NLRP1: variants seen among roughly 807,000 people sequenced by gnomAD.
NLRP1 encodes the protein NLR family pyrin domain containing 1.
In NLRP1, 94 loss-of-function variants were observed where a neutral mutation model predicts 136.7. The ratio of observed to expected loss-of-function variants is 0.69; its 90% CI spans 0.58 to 0.82. The LOEUF is 0.82. Among genes scored for constraint, NLRP1 ranks in the 40% least tolerant of loss-of-function variants. The pLI is 0.00. For missense variants in NLRP1, 1,575 were observed against 1,802.7 expected (o/e 0.87, Z 2.29); for synonymous variants, 690 against 725.1 (o/e 0.95, Z 0.78).
rs1334583954 is a variant in NLRP1, at chr17:5,558,836, G to A, written c.1860C>T (p.Ser620=). The change falls in exon 4 of 17, where the codon AGC becomes AGT. Residue 620 remains serine, a synonymous_variant. Transcript: ENST00000572272. ...ACTCTTGGAAACAGAGGTGAATGAA[G>A]CTGTAGCTCAGAGGGATGGGGTGCT... ...LQEHPIPLSY[S]FIHLCFQEFF... The A allele has an allele frequency of 1.2e-6, 2 of 1,614,106 alleles. No homozygotes were observed. The highest frequency in any genetic ancestry group is 1.3e-5 in the African/African-American group (1 of 74,934).
Position 5,537,356 on chromosome 17 carries a change from C to T in NLRP1, c.2871-416G>A, listed in dbSNP as rs1038257857. The stretch of plus-strand genomic sequence containing the variant: ...CACTGGCAGAGGCTGTCTCTACAGC[C>T]GGCTGCCAGGGATTTCCCCATGGCC... On this transcript the variant is annotated intron_variant, in intron 7 of 16. Coordinates refer to ENST00000572272, the MANE Select transcript of NLRP1 (RefSeq NM_033004.4). This position sits in a 1 kb window ranked among gnomAD's most constrained non-coding sequence, Gnocchi z 4.5. Among the ~76,000 whole-genome samples, 3 of 152,170 alleles carry T rather than the reference C, an allele frequency of 2.0e-5. No homozygotes were observed. The highest frequency in any genetic ancestry group is 4.4e-5 in the Non-Finnish European group (3 of 68,026).
Position 5,579,519 on chromosome 17 carries a change from GA to G in NLRP1, c.652+2339del, listed in dbSNP as rs754822157. ...AATGTAAATTAGTTCAGCCACTGTG[GA>G]AAGGAATTTCGCGATTTGCCAAAGA... On this transcript the variant is annotated intron_variant, in intron 3 of 16. Transcript: ENST00000572272. Among the ~76,000 whole-genome samples, 180 of 152,306 alleles carry G rather than the reference GA, an allele frequency of 1.2e-3. 1 individual carries two copies. Among genetic ancestry groups the G allele is most frequent in the South Asian group, 1.7e-3 (8 of 4,820 alleles).
chr17:5,534,135 G>A (rs1465949160), intron 8 of NLRP1, 147 bp from the exon 9 acceptor site: 8 of 711,640 alleles, frequency 1.1e-5, no homozygotes, highest in South Asian at 7.6e-5. Flanking sequence ...GCCGGGATGG[G>A]TGGATAGCTT....
downstream of NLRP1, chr17:5,512,291 A>G (rs910657203): frequency 1.2e-4 from 181 of 1,523,754 alleles, 2 homozygotes; most frequent in East Asian, 2.3e-3. Flanking sequence ...ATTTCTCCAC[A>G]GACAAAACAT....
chr17:5,556,785 G>A (rs1371912848), intron 4 of NLRP1, among the ~76,000 whole-genome samples: 2 of 151,598 alleles, frequency 1.3e-5, no homozygotes, highest in East Asian at 1.9e-4. Context: ...CACCATTTTC[G>A]GCTAATTTAT....
chr17:5,524,782 G>A (rs1909323351), intron 12 of NLRP1, among the ~76,000 whole-genome samples: 1 of 152,208 alleles, frequency 6.6e-6, no homozygotes, highest in Non-Finnish European at 1.5e-5. Flanking sequence ...GACGCTCGGT[G>A]CCACTTGAAT....
chr17:5,543,441 A>G (rs1912137751), intron 5 of NLRP1, among the ~76,000 whole-genome samples: 1 of 152,168 alleles, frequency 6.6e-6, no homozygotes, highest in Non-Finnish European at 1.5e-5. Flanking sequence ...GTCTGAGGGT[A>G]AAGCTAGAAA....
intron 15 of NLRP1, among the ~76,000 whole-genome samples, chr17:5,508,939 G>T (rs1907489912): frequency 6.6e-6 from 1 of 152,096 alleles, no homozygotes; most frequent in African/African-American, 2.4e-5. Flanking sequence ...GTGCAACAAG[G>T]CCAAAAAAAT....
At chr17:5,528,288 G>A (rs1278656360) in intron 12 of NLRP1, among the ~76,000 whole-genome samples, 2 of 152,154 alleles carry the variant, frequency 1.3e-5, no homozygotes, top group African/African-American at 2.4e-5. Flanking sequence ...TAGATTGCCC[G>A]GTGGGAACAA....
At chr17:5,550,245 T>C (rs1245513241) in intron 5 of NLRP1, among the ~76,000 whole-genome samples, 1 of 152,186 alleles carries the variant, frequency 6.6e-6, no homozygotes, top group East Asian at 1.9e-4. Context: ...TTTTCTGCTA[T>C]TTTTGGAAGA....
In NLRP1 at chr17:5,552,084, CTTTTTTTTT is replaced by C. The variant is rs71151872; in HGVS notation, c.2528+1293_2528+1301del. On this transcript the variant is annotated intron_variant, in intron 5 of 16. Transcript: ENST00000572272. ...GCCATCATGTCTGGCTCTATCTTTC[CTTTTTTTTT>C]TTTTTTTTTTTTTTTTTTTTTTAAA... is the stretch of plus-strand genomic sequence containing the variant. 2.6e-4 allele frequency among the ~76,000 whole-genome samples: 25 copies of C among 96,682 alleles called. 1 individual carries two copies. The highest frequency in any genetic ancestry group is 8.5e-4 in the East Asian group (2 of 2,354). The allele number at this position is 96,682 out of a possible 152,430, so 63.4% of individuals were successfully genotyped here. A position where few individuals can be genotyped will look rare whatever the true frequency, so the allele number is the denominator to read the frequency against.
At chr17:5,540,694 G>A (rs1204132267) in intron 6 of NLRP1, among the ~76,000 whole-genome samples, 1 of 152,100 alleles carries the variant, frequency 6.6e-6, no homozygotes, top group Non-Finnish European at 1.5e-5. Flanking sequence ...AAGTGTTACC[G>A]ACTTCCTAGC....
At chr17:5,526,695 G>A (rs1480478495) in intron 12 of NLRP1, among the ~76,000 whole-genome samples, 3 of 152,186 alleles carry the variant, frequency 2.0e-5, no homozygotes, top group African/African-American at 7.2e-5. Flanking sequence ...AGGGTCCTGA[G>A]CTCAGCAGGG....
chr17:5,582,692 G>A lies in NLRP1; in HGVS notation c.426C>T (p.Asp142=). 1.2e-6 allele frequency: 2 copies of A among 1,614,172 alleles called. No homozygotes were observed. Among genetic ancestry groups the A allele is most frequent in the Non-Finnish European group, 1.7e-6 (2 of 1,180,026 alleles). The change falls in exon 2 of 17, where the codon GAC becomes GAT. Residue 142 remains aspartate (D), a synonymous_variant. Transcript: ENST00000572272. ...CACCTCTCCAGCGGCGTCCAGATGTGTCAGGCAGCTGTCTCAAAACCCTTC... is the reference window on the plus strand; with the variant it reads ...CACCTCTCCAGCGGCGTCCAGATGTATCAGGCAGCTGTCTCAAAACCCTTC... ...SERRVLRQLP[D]TSGRRWREIS...
At chr17:5,556,115 TACACA>T (rs1234290799) in intron 4 of NLRP1, among the ~76,000 whole-genome samples, 7 of 119,008 alleles carry the variant, frequency 5.9e-5, no homozygotes, top group East Asian at 5.1e-4. Context: ...TCTCTCTCTC[TACACA>T]CACACACACA....
rs201003290 is a variant in NLRP1, at chr17:5,530,559, C to A, written c.3442G>T (p.Ala1148Ser). 6.2e-7 allele frequency: 1 copy of A among 1,614,242 alleles called. No individual in the cohort carries two copies. Among genetic ancestry groups the A allele is most frequent in the Non-Finnish European group, 8.5e-7 (1 of 1,180,042 alleles). ...EINPQHSWMV[A>S]GPLLDIKAEP... ...GCCTTGATGTCCAGCAGAGGCCCTG[C>A]CACCATCCAGCTGTGCTGTGGGTTG... Residue 1148 changes from alanine (A) to serine (S), a missense_variant, in exon 12 of 17, where the codon GCA (alanine) becomes TCA (serine). Physicochemically the swap from Ala to Ser is moderately conservative, Grantham distance 99. Transcript: ENST00000572272.
At chr17:5,533,272 A>T in intron 10 of NLRP1, 32 bp downstream of exon 10, 1 of 1,551,754 alleles carries the variant, frequency 6.4e-7, no homozygotes, top group Non-Finnish European at 8.7e-7. Flanking sequence ...ATGGTTCAAA[A>T]GATGAAAGGG....
Position 5,530,505 on chromosome 17 carries a change from G to C in NLRP1, c.3496C>G (p.Leu1166Val). The C allele has an allele frequency of 6.2e-7, 1 of 1,614,050 alleles. No individual in the cohort carries two copies. The highest frequency in any genetic ancestry group is 2.2e-5 in the East Asian group (1 of 44,876). ...CCTTGGAGAGCCACAAAGTGAGGGA[G>C]GTGCACAGCTTCCACAGCTCCAGGC... is the stretch of plus-strand genomic sequence containing the variant. ...AEPGAVEAVH[L>V]PHFVALQGGH... The change falls in exon 12 of 17, where the codon CTC becomes GTC. Residue 1166 changes from leucine (L) to valine (V), a missense_variant. Coordinates refer to ENST00000572272, the MANE Select transcript of NLRP1 (RefSeq NM_033004.4).
At chr17:5,536,808 C>T (rs1215746377) in intron 8 of NLRP1, 43 bp downstream of exon 8, 1 of 1,431,352 alleles carries the variant, frequency 7.0e-7, no homozygotes, top group Non-Finnish European at 9.9e-7. Context: ...CTGCTCAGCC[C>T]TGGGCCTGGG....
Sources: allele counts gnomAD v4.1 joint callset (sites outside exome capture counted in the v4.1 genomes callset), GRCh38; gene constraint gnomAD v4.1.1; non-coding constraint Gnocchi (gnomAD v3.1); transcripts MANE v1.5; gene names NCBI Gene and HGNC (gene_info 2026-07-23, HGNC 2026-07-21).